The following CCDC141 variants were observed in gnomAD, a reference collection of about 807,000 sequenced individuals.
The protein encoded by CCDC141 is coiled-coil domain-containing protein 141.
In CCDC141, 168 loss-of-function variants were observed where a neutral mutation model predicts 181.0. The observed-to-expected ratio is 0.93, with a 90% CI of 0.82 to 1.05. The LOEUF is 1.05. CCDC141 is among the 50% of genes least tolerant of loss of function. The probability of loss-of-function intolerance (pLI) is 0.00; values close to 1 mark genes in which losing one functional copy is unlikely to be tolerated. For missense variants in CCDC141, 1,902 were observed against 1,788.5 expected (o/e 1.06, Z -1.14); for synonymous variants, 666 against 642.3 (o/e 1.04, Z -0.56).
chr2:178,857,446 G>T (rs1685434247), intron 17 of CCDC141, among the ~76,000 whole-genome samples: 1 of 152,192 alleles, frequency 6.6e-6, no homozygotes, highest in South Asian at 2.1e-4. Flanking sequence ...AGTGAGAGTT[G>T]TTGCTAATGA....
At chr2:178,942,529 G>A (rs1450830660) in intron 6 of CCDC141, among the ~76,000 whole-genome samples, 4 of 152,132 alleles carry the variant, frequency 2.6e-5, no homozygotes, top group Non-Finnish European at 5.9e-5. Flanking sequence ...GAGCGCAGAG[G>A]AGTTTTAGGG....
chr2:178,891,577 AATG>A (rs1284211945), intron 8 of CCDC141, among the ~76,000 whole-genome samples: 1 of 151,530 alleles, frequency 6.6e-6, no homozygotes, highest in African/African-American at 2.4e-5. Flanking sequence ...TTTTCTAAGT[AATG>A]CAATGCCTGC....
intron 5 of CCDC141, among the ~76,000 whole-genome samples, chr2:178,953,896 C>T (rs1312831506): frequency 6.6e-6 from 1 of 152,158 alleles, no homozygotes; most frequent in South Asian, 2.1e-4. Context: ...AAGATTGGTG[C>T]CCAGAGGCTA....
intron 22 of CCDC141, among the ~76,000 whole-genome samples, chr2:178,841,267 C>G (rs926060312): frequency 1.3e-5 from 2 of 152,162 alleles, no homozygotes; most frequent in African/African-American, 4.8e-5. Flanking sequence ...TATAACTTGG[C>G]CAAACCCTCA....
At chr2:178,972,335 T>C (rs779559025) in intron 4 of CCDC141, among the ~76,000 whole-genome samples, 10 of 152,202 alleles carry the variant, frequency 6.6e-5, no homozygotes, top group Admixed American at 1.3e-4. Flanking sequence ...TGGAATTATA[T>C]ACAAATAACA....
In CCDC141 at chr2:178,834,339, G is replaced by A; in HGVS notation, c.4427C>T (p.Ala1476Val). 6.5e-7 allele frequency: 1 copy of A among 1,536,180 alleles called. No homozygotes were observed. ...TTGGGCCCGAGCCACATAGAGGCCT[G>A]CGTCTGCCTTGCATACCTTTGGAAT... is the stretch of plus-strand genomic sequence containing the variant. ...VFIPKVCKAD[A>V]GLYVARAQNS... The change falls in exon 24 of 24, where the codon GCA becomes GTA. Residue 1476 changes from alanine (A) to valine (V), a missense_variant. Physicochemically the swap from Ala to Val is moderately conservative, Grantham distance 64. Transcript: ENST00000443758.
intron 6 of CCDC141, among the ~76,000 whole-genome samples, chr2:178,921,562 GTT>G (rs199857196): frequency 2.7e-5 from 4 of 149,850 alleles, no homozygotes; most frequent in Admixed American, 1.3e-4. Context: ...GTTTGTTTTT[GTT>G]TTTTTTTACT....
intron 2 of CCDC141, among the ~76,000 whole-genome samples, chr2:179,011,495 A>T (rs1184627530): frequency 6.6e-6 from 1 of 152,202 alleles, no homozygotes; most frequent in Non-Finnish European, 1.5e-5. Flanking sequence ...AGACCTAAAA[A>T]ATGTGACAGA....
intron 7 of CCDC141, among the ~76,000 whole-genome samples, chr2:178,917,432 A>G (rs910660507): frequency 3.9e-5 from 6 of 152,188 alleles, no homozygotes; most frequent in Admixed American, 1.3e-4. Context: ...ATTTTTTCAA[A>G]AAGTTTCTTA....
At chr2:178,925,950 T>C (rs933780771) in intron 6 of CCDC141, among the ~76,000 whole-genome samples, 1 of 152,166 alleles carries the variant, frequency 6.6e-6, no homozygotes, top group Admixed American at 6.5e-5. Context: ...TGTGGTGATT[T>C]CCCTAAATGA....
chr2:179,001,980 G>C (rs1160670105), intron 2 of CCDC141: 1 of 160,042 alleles, frequency 6.2e-6, no homozygotes, highest in Admixed American at 6.4e-5. Context: ...CACCACACCT[G>C]GCTAATTTTT....
chr2:178,930,721 A>C (rs1319308164), intron 6 of CCDC141, among the ~76,000 whole-genome samples: 1 of 152,112 alleles, frequency 6.6e-6, no homozygotes, highest in Non-Finnish European at 1.5e-5. Flanking sequence ...ATTTTTTTCC[A>C]ACAAATTGTG....
chr2:178,946,568 C>A (rs975353153), intron 5 of CCDC141, among the ~76,000 whole-genome samples: 1 of 152,102 alleles, frequency 6.6e-6, no homozygotes, highest in Non-Finnish European at 1.5e-5. Flanking sequence ...AATATAGAAT[C>A]AGAGTGGATG....
chr2:178,843,022 T>C (rs1684792636), intron 22 of CCDC141, among the ~76,000 whole-genome samples: 1 of 152,184 alleles, frequency 6.6e-6, no homozygotes, highest in Non-Finnish European at 1.5e-5. Context: ...TCACCTAGTC[T>C]GATAAGAGCA....
intron 8 of CCDC141, among the ~76,000 whole-genome samples, chr2:178,904,467 A>G (rs1410025543): frequency 1.3e-5 from 2 of 152,190 alleles, no homozygotes; most frequent in Non-Finnish European, 2.9e-5. Flanking sequence ...TTTAAACAGA[A>G]ATAAAATGAT....
intron 6 of CCDC141, among the ~76,000 whole-genome samples, chr2:178,925,861 T>C (rs922455194): frequency 2.6e-5 from 4 of 152,136 alleles, no homozygotes; most frequent in East Asian, 3.9e-4. Context: ...GTCTACACAA[T>C]CCATTGAGAT....
intron 7 of CCDC141, among the ~76,000 whole-genome samples, chr2:178,907,707 T>C (rs1286335488): frequency 6.6e-6 from 1 of 152,146 alleles, no homozygotes; most frequent in African/African-American, 2.4e-5. Context: ...TTAGAAAAGA[T>C]GATTAGCCAG....
intron 8 of CCDC141, among the ~76,000 whole-genome samples, chr2:178,901,969 AC>A (rs1424075041): frequency 1.3e-5 from 2 of 152,168 alleles, no homozygotes; most frequent in African/African-American, 2.4e-5. Context: ...CAACAGACAA[AC>A]AGAGAGCCAA....
intron 4 of CCDC141, among the ~76,000 whole-genome samples, chr2:178,962,753 G>A (rs375546540): frequency 1.4e-3 from 217 of 151,716 alleles, no homozygotes; most frequent in Non-Finnish European, 2.5e-3. Flanking sequence ...ACCCCTTAAT[G>A]TAGATTACTA....
Sources: allele counts gnomAD v4.1 joint callset (sites outside exome capture counted in the v4.1 genomes callset), GRCh38; gene constraint gnomAD v4.1.1; transcripts MANE v1.5; gene names NCBI Gene and HGNC (gene_info 2026-07-23, HGNC 2026-07-21).